GMDS: variants seen among roughly 807,000 people sequenced by gnomAD.
The protein encoded by GMDS is GDP-mannose 4,6-dehydratase, also known as GDP-mannose 4,6 dehydratase.
GMDS carries 20 observed loss-of-function variants against 49.9 expected under a neutral mutation model. That is an observed-to-expected ratio of 0.40 (90% CI 0.28 to 0.58). The LOEUF is 0.58. Among genes scored for constraint, GMDS ranks in the 20% least tolerant of loss-of-function variants. The probability of loss-of-function intolerance (pLI) is 0.42; values close to 1 mark genes in which losing one functional copy is unlikely to be tolerated. For missense variants in GMDS, 362 were observed against 481.4 expected, an observed-to-expected ratio of 0.75 and a Z score of 2.32; for synonymous variants, 177 against 178.6, an observed-to-expected ratio of 0.99 and a Z score of 0.07.
At chr6:2,070,320 A>G (rs1008493976) in intron 4 of GMDS, among the ~76,000 whole-genome samples, 1 of 150,718 alleles carries the variant, frequency 6.6e-6, no homozygotes, top group Non-Finnish European at 1.5e-5. Flanking sequence ...CTAATGCTAG[A>G]TGACGAGTTA....
intron 7 of GMDS, among the ~76,000 whole-genome samples, chr6:1,792,332 T>C (rs1195338094): frequency 6.6e-6 from 1 of 152,186 alleles, no homozygotes; most frequent in African/African-American, 2.4e-5. Flanking sequence ...ATGTAATTTT[T>C]CATACCTTCA....
chr6:2,243,107 G>A (rs544472855), intron 1 of GMDS, among the ~76,000 whole-genome samples: 3 of 152,348 alleles, frequency 2.0e-5, no homozygotes, highest in East Asian at 3.9e-4. Flanking sequence ...GCAGATGCCG[G>A]AGGGAAGAAA....
At chr6:1,980,675 CT>C (rs1224710611) in intron 4 of GMDS, among the ~76,000 whole-genome samples, 2 of 152,126 alleles carry the variant, frequency 1.3e-5, no homozygotes, top group Non-Finnish European at 2.9e-5. Flanking sequence ...TATTTTGGAC[CT>C]GAACTCAGCT....
intron 1 of GMDS, among the ~76,000 whole-genome samples, chr6:2,186,370 T>C (rs146999880): frequency 6.6e-6 from 1 of 152,286 alleles, no homozygotes; most frequent in African/African-American, 2.4e-5. Context: ...ATTAATGAAA[T>C]CTGGCATAAG....
At chr6:1,795,103 G>T (rs996370474) in intron 7 of GMDS, among the ~76,000 whole-genome samples, 2 of 152,204 alleles carry the variant, frequency 1.3e-5, no homozygotes, top group Non-Finnish European at 2.9e-5. Flanking sequence ...TGGAGGCTGA[G>T]GTGGGAGGAT....
At chr6:1,647,762 G>A (rs1242225385) in intron 9 of GMDS, among the ~76,000 whole-genome samples, 1 of 152,154 alleles carries the variant, frequency 6.6e-6, no homozygotes, top group Admixed American at 6.5e-5. Flanking sequence ...GAGGAATCTC[G>A]GACACATTCT....
At chr6:2,242,856 A>G (rs1781676553) in intron 1 of GMDS, among the ~76,000 whole-genome samples, 2 of 152,166 alleles carry the variant, frequency 1.3e-5, no homozygotes, top group African/African-American at 4.8e-5. Context: ...GTAAGTTCTC[A>G]GCCAATATTA....
intron 1 of GMDS, among the ~76,000 whole-genome samples, chr6:2,231,545 T>C (rs1435831953): frequency 2.4e-4 from 36 of 152,042 alleles, no homozygotes; most frequent in Non-Finnish European, 1.5e-5. Context: ...GCCTGGGCAA[T>C]AGAGCCAGAC....
chr6:1,984,771 T>C (rs946897359), intron 4 of GMDS, among the ~76,000 whole-genome samples: 14 of 152,210 alleles, frequency 9.2e-5, no homozygotes, highest in Non-Finnish European at 1.9e-4. Context: ...TTCAACAGCT[T>C]AGCTTAAATA....
chr6:2,172,208 G>A (rs1445692436), intron 1 of GMDS, among the ~76,000 whole-genome samples: 2 of 152,028 alleles, frequency 1.3e-5, no homozygotes, highest in African/African-American at 4.8e-5. Flanking sequence ...AGATTGAGGA[G>A]AAAAAATGAG....
At chr6:1,733,442 A>G (rs1458574431) in intron 8 of GMDS, among the ~76,000 whole-genome samples, 2 of 152,146 alleles carry the variant, frequency 1.3e-5, no homozygotes, top group African/African-American at 4.8e-5. Flanking sequence ...TTGGCAGAAC[A>G]GGGGGAGAGA....
At chr6:2,065,076 G>C (rs1771465828) in intron 4 of GMDS, among the ~76,000 whole-genome samples, 2 of 152,184 alleles carry the variant, frequency 1.3e-5, no homozygotes, top group Middle Eastern at 6.8e-3. Context: ...CTGGAGATCT[G>C]AGGACAGGCA....
chr6:1,979,813 A>T (rs1296301559), intron 4 of GMDS, among the ~76,000 whole-genome samples: 1 of 152,238 alleles, frequency 6.6e-6, no homozygotes, highest in African/African-American at 2.4e-5. Context: ...CAGATCACCT[A>T]CAAAGGGAAG....
At chr6:2,233,626 C>G (rs1781213520) in intron 1 of GMDS, among the ~76,000 whole-genome samples, 2 of 152,166 alleles carry the variant, frequency 1.3e-5, no homozygotes, top group Admixed American at 6.5e-5. Context: ...TCTAGACCAG[C>G]CTGGCCAACA....
rs1562103386 is a variant in GMDS, at chr6:2,154,862, G to GAAAAAAAAAAAAA, written c.103-30132_103-30131insTTTTTTTTTTTTT. ...AACAAAAGCCTCTTATTGAAGAGAT[G>GAAAAAAAAAAAAA]CAAAAAAAAAAAAAAAAAAAAAAAG... is the stretch of plus-strand genomic sequence containing the variant. On this transcript the variant is annotated intron_variant, in intron 1 of 10. Transcript: ENST00000380815. Among the ~76,000 whole-genome samples the GAAAAAAAAAAAAA allele has an allele frequency of 5.3e-4, 18 of 33,820 alleles. 1 individual carries two copies. Among genetic ancestry groups the GAAAAAAAAAAAAA allele is most frequent in the African/African-American group, 1.2e-3 (16 of 13,192 alleles). 22.2% of individuals were successfully genotyped at this position (33,820 alleles called of 152,430 possible).
At position 1,711,449 on chromosome 6, in the gene GMDS, T is replaced by C. The variant is rs150843919; in HGVS notation, c.987+14967A>G. On this transcript the variant is annotated intron_variant, in intron 9 of 10. Transcript: ENST00000380815. ...TGCGGTTTTGCTTAAAGTAGTAGTA[T>C]TGCCTGAGAAGAAATGGGTTGCCTC... Among the ~76,000 whole-genome samples, 97 of 152,350 alleles carry C rather than the reference T, an allele frequency of 6.4e-4. No homozygotes were observed. The East Asian group carries it at 0.016, about 25-fold the overall frequency.
At chr6:1,914,280 C>A (rs1439642718) in intron 7 of GMDS, among the ~76,000 whole-genome samples, 1 of 150,772 alleles carries the variant, frequency 6.6e-6, no homozygotes, top group African/African-American at 2.4e-5. Flanking sequence ...CACGGTGAAA[C>A]CCCATCTCTA....
At chr6:2,054,521 C>T (rs1770668047) in intron 4 of GMDS, among the ~76,000 whole-genome samples, 1 of 152,058 alleles carries the variant, frequency 6.6e-6, no homozygotes, top group South Asian at 2.1e-4. Context: ...AACCAAAGGA[C>T]AGAGTTTAAG....
At chr6:2,173,681 T>G (rs1778133056) in intron 1 of GMDS, among the ~76,000 whole-genome samples, 1 of 152,228 alleles carries the variant, frequency 6.6e-6, no homozygotes, top group Admixed American at 6.5e-5. Context: ...AGGCTGTGGT[T>G]GCTTGTAGTT....
Sources: gnomAD v4.1 joint callset for allele counts (sites outside exome capture counted in the v4.1 genomes callset) on GRCh38, gnomAD v4.1.1 for gene constraint, MANE v1.5 for transcripts, NCBI Gene and HGNC (gene_info 2026-07-23, HGNC 2026-07-21) for gene names.